The following KCNQ3 variants were observed in gnomAD, a reference collection of about 807,000 sequenced individuals.
The protein encoded by KCNQ3 is potassium voltage-gated channel subfamily Q member 3.
KCNQ3 carries 30 observed loss-of-function variants against 92.5 expected under a neutral mutation model. The ratio of observed to expected loss-of-function variants is 0.32; its 90% CI spans 0.24 to 0.44. The LOEUF is 0.44. Among genes scored for constraint, KCNQ3 ranks in the 20% least tolerant of loss-of-function variants. The pLI is 1.00. For synonymous variants in KCNQ3, 450 were observed against 468.8 expected (o/e 0.96, Z 0.52); for missense variants, 913 against 1,140.3 (o/e 0.80, Z 2.87).
At chr8:132,272,544 C>T (rs989723294) in intron 1 of KCNQ3, among the ~76,000 whole-genome samples, 1 of 152,126 alleles carries the variant, frequency 6.6e-6, no homozygotes, top group Non-Finnish European at 1.5e-5. Flanking sequence ...GTTTAATGGA[C>T]TTACAGTTCC....
At position 132,125,994 on chromosome 8, in the gene KCNQ3, AT is replaced by A. The variant is rs1387777542; in HGVS notation, c.*3267del. 1 of 152,226 alleles carries A rather than the reference AT, an allele frequency of 6.6e-6. No homozygotes were observed. The highest frequency in any genetic ancestry group is 1.5e-5 in the Non-Finnish European group (1 of 68,042). The allele number at this position is 152,226 out of a possible 1,614,324, so 9.4% of individuals were successfully genotyped here. On this transcript the variant is annotated 3_prime_UTR_variant, in exon 15 of 15. Transcript: ENST00000388996. ...ACTTCTTTCTCAGCTCAATAGGATC[AT>A]GTTTCGCTTAACATTTGTGAAGTTG...
intron 1 of KCNQ3, among the ~76,000 whole-genome samples, chr8:132,304,890 A>G (rs902386060): frequency 6.6e-6 from 1 of 152,190 alleles, no homozygotes; most frequent in African/African-American, 2.4e-5. Flanking sequence ...AAAGAAGGAG[A>G]CACAGATAAC....
At chr8:132,353,483 T>C (rs2130708675) in intron 1 of KCNQ3, among the ~76,000 whole-genome samples, 1 of 152,340 alleles carries the variant, frequency 6.6e-6, no homozygotes, top group Non-Finnish European at 1.5e-5. Flanking sequence ...AGGGACTTTG[T>C]GCAAACCTGC....
chr8:132,480,688 G>C lies in KCNQ3; in HGVS notation c.-156C>G. On this transcript the variant is annotated 5_prime_UTR_variant, in exon 1 of 15. Transcript: ENST00000388996. ...CCTCCCCACCCCCCCCCAAAAGCAG[G>C]CAAAGGCGGGCCCCCTGGGGGGCAG... The C allele has an allele frequency of 1.3e-6, 1 of 765,520 alleles. No homozygotes were observed. Among genetic ancestry groups the C allele is most frequent in the Non-Finnish European group, 1.6e-6 (1 of 630,726 alleles). 47.4% of individuals were successfully genotyped at this position (765,520 alleles called of 1,614,324 possible). A position where few individuals can be genotyped will look rare whatever the true frequency, so the allele number is the denominator to read the frequency against.
At chr8:132,262,628 A>G (rs1815824875) in intron 1 of KCNQ3, among the ~76,000 whole-genome samples, 1 of 119,174 alleles carries the variant, frequency 8.4e-6, no homozygotes, top group Admixed American at 1.1e-4. Flanking sequence ...GGAATTTCTT[A>G]CAGCAGTTTT....
Position 132,128,966 on chromosome 8 carries a change from C to T in KCNQ3, c.*296G>A, listed in dbSNP as rs1824757502. 3 of 441,010 alleles carry T rather than the reference C, an allele frequency of 6.8e-6. No homozygotes were observed. Among genetic ancestry groups the T allele is most frequent in the Middle Eastern group, 6.2e-4 (1 of 1,608 alleles). The allele number at this position is 441,010 out of a possible 1,614,324, so 27.3% of individuals were successfully genotyped here. A position where few individuals can be genotyped will look rare whatever the true frequency, so the allele number is the denominator to read the frequency against. The stretch of plus-strand genomic sequence containing the variant: ...GGCTCATCAGTAATTTCTCCCTGTA[C>T]TGGTCCAATCGTGATTAAAAGTAAG... On this transcript the variant is annotated 3_prime_UTR_variant, in exon 15 of 15. Coordinates refer to ENST00000388996, the MANE Select transcript of KCNQ3 (RefSeq NM_004519.4).
intron 1 of KCNQ3, among the ~76,000 whole-genome samples, chr8:132,352,897 A>T (rs1295517196): frequency 6.6e-6 from 1 of 152,148 alleles, no homozygotes; most frequent in Non-Finnish European, 1.5e-5. Flanking sequence ...CACACTGGGC[A>T]TGATGTCCCA....
chr8:132,440,367 TC>T (rs1821504842), intron 1 of KCNQ3, among the ~76,000 whole-genome samples: 1 of 152,168 alleles, frequency 6.6e-6, no homozygotes, highest in South Asian at 2.1e-4. Flanking sequence ...GCTGACCAGG[TC>T]CTGCAGTATC....
At chr8:132,224,880 G>A (rs1814359808) in intron 1 of KCNQ3, among the ~76,000 whole-genome samples, 1 of 152,142 alleles carries the variant, frequency 6.6e-6, no homozygotes, top group Admixed American at 6.6e-5. Flanking sequence ...AATGGGAGAG[G>A]GGGCAGGGAA....
chr8:132,228,275 T>A (rs896101305), intron 1 of KCNQ3, among the ~76,000 whole-genome samples: 2 of 152,082 alleles, frequency 1.3e-5, no homozygotes, highest in Non-Finnish European at 2.9e-5. Context: ...AAGTGACAAA[T>A]GAATAATTGT....
At chr8:132,453,091 C>T (rs541666863) in intron 1 of KCNQ3, among the ~76,000 whole-genome samples, 3 of 152,228 alleles carry the variant, frequency 2.0e-5, no homozygotes, top group South Asian at 2.1e-4. Context: ...TGCGGTCTCT[C>T]GGGTAAAGCA....
At chr8:132,460,427 T>C (rs1177630412) in intron 1 of KCNQ3, among the ~76,000 whole-genome samples, 1 of 152,236 alleles carries the variant, frequency 6.6e-6, no homozygotes, top group Non-Finnish European at 1.5e-5. Flanking sequence ...TTTACTTTTC[T>C]GTAAACTCTC....
At chr8:132,456,041 G>A (rs546870835) in intron 1 of KCNQ3, among the ~76,000 whole-genome samples, 2 of 152,214 alleles carry the variant, frequency 1.3e-5, no homozygotes, top group South Asian at 4.1e-4. Context: ...CACCGTGCCC[G>A]GCCGATGGAT....
chr8:132,168,641 G>A (rs746263854), intron 8 of KCNQ3, among the ~76,000 whole-genome samples: 23 of 151,682 alleles, frequency 1.5e-4, no homozygotes, highest in Non-Finnish European at 2.1e-4. Flanking sequence ...GTTTTATGCC[G>A]GAAAATGAGT....
At chr8:132,264,089 C>T (rs1187013302) in intron 1 of KCNQ3, among the ~76,000 whole-genome samples, 1 of 152,202 alleles carries the variant, frequency 6.6e-6, no homozygotes, top group African/African-American at 2.4e-5. Context: ...CAGTGACTTG[C>T]TCAAGTTGAC....
intron 1 of KCNQ3, among the ~76,000 whole-genome samples, chr8:132,427,538 A>G (rs1821142550): frequency 6.6e-6 from 1 of 152,188 alleles, no homozygotes; most frequent in Non-Finnish European, 1.5e-5. Context: ...GACCCCAAAG[A>G]AAGTCTCAGA....
rs572554025 is a variant in KCNQ3 at position 132,238,154 on chromosome 8, C to T, written c.387-51973G>A. On this transcript the variant is annotated intron_variant, in intron 1 of 14. Transcript: ENST00000388996. Reference sequence around the variant, plus strand: ...CCAATAAGCACATTCCTTTCCCTTTCGGTGCACTAAATTAGGGAAGCTAAG... The same window carrying T: ...CCAATAAGCACATTCCTTTCCCTTTTGGTGCACTAAATTAGGGAAGCTAAG... Among the ~76,000 whole-genome samples, 218 of 152,200 alleles carry T rather than the reference C, an allele frequency of 1.4e-3. 1 individual carries two copies. In the South Asian group the frequency reaches 0.02, roughly 14 times the overall value.
intron 1 of KCNQ3, among the ~76,000 whole-genome samples, chr8:132,186,931 T>TGAGAGAGAGAGAGAGAGAGAGA (rs1420781543): frequency 9.1e-6 from 1 of 110,230 alleles, no homozygotes; most frequent in African/African-American, 3.9e-5. Flanking sequence ...TGTGTGTGTG[T>TGAGAGAGAGAGAGAGAGAGAGA]GTGAGAGAGA....
At chr8:132,465,756 A>G (rs1822157664) in intron 1 of KCNQ3, among the ~76,000 whole-genome samples, 2 of 151,092 alleles carry the variant, frequency 1.3e-5, no homozygotes, top group Admixed American at 1.3e-4. Context: ...AAACAAACAA[A>G]CAAAAAATAG....
Sources: allele counts gnomAD v4.1 joint callset (sites outside exome capture counted in the v4.1 genomes callset), GRCh38; gene constraint gnomAD v4.1.1; transcripts MANE v1.5; gene names NCBI Gene and HGNC (gene_info 2026-07-23, HGNC 2026-07-21).